The following CARF variants were observed in gnomAD, a reference collection of about 807,000 sequenced individuals.
CARF encodes the protein calcium-responsive transcription factor.
CARF carries 57 observed loss-of-function variants against 82.0 expected under a neutral mutation model. The ratio of observed to expected loss-of-function variants is 0.70; its 90% CI spans 0.56 to 0.87. The LOEUF is 0.87. Among genes scored for constraint, CARF ranks in the 40% least tolerant of loss-of-function variants. The pLI, the probability that CARF is intolerant of heterozygous loss-of-function variation, is 0.00. For synonymous variants in CARF, 268 were observed against 290.1 expected (o/e 0.92, Z 0.77); for missense variants, 771 against 855.8 (o/e 0.90, Z 1.24).
intron 3 of CARF, among the ~76,000 whole-genome samples, chr2:202,930,715 T>C (rs1692732260): frequency 6.6e-6 from 1 of 152,192 alleles, no homozygotes; most frequent in African/African-American, 2.4e-5. Context: ...TCGTAGCCTT[T>C]TTATCATTAG....
At chr2:202,941,741 T>C (rs1020162849) in intron 3 of CARF, 119 bp from the exon 4 acceptor site, 3 of 499,244 alleles carry the variant, frequency 6.0e-6, no homozygotes, top group African/African-American at 3.9e-5. Flanking sequence ...TAGAATGGAA[T>C]TGATTTTACC....
chr2:202,913,601 A>C (rs1327723799), intron 1 of CARF, among the ~76,000 whole-genome samples: 1 of 152,202 alleles, frequency 6.6e-6, no homozygotes, highest in African/African-American at 2.4e-5. Context: ...TTGCTAATGG[A>C]AGTGGTGATC....
At chr2:202,915,766 CTGTTTTTTTT>C (rs1210640041) in intron 1 of CARF, among the ~76,000 whole-genome samples, 5 of 150,838 alleles carry the variant, frequency 3.3e-5, no homozygotes, top group East Asian at 2.0e-4. Flanking sequence ...TGCACCTAGC[CTGTTTTTTTT>C]TGTTTTTTTT....
intron 12 of CARF, 68 bp from the exon 13 acceptor site, chr2:202,974,264 TTC>T: frequency 8.9e-7 from 1 of 1,118,752 alleles, no homozygotes; most frequent in Admixed American, 3.2e-5. Context: ...AAGAGAACCT[TTC>T]TGTCTTTTGA....
chr2:202,981,824 T>C, intron 15 of CARF, 139 bp downstream of exon 15: 1 of 1,002,820 alleles, frequency 1.0e-6, no homozygotes, highest in Non-Finnish European at 1.5e-6. Flanking sequence ...AATTTCCTGA[T>C]CTTTTTGTTT....
At chr2:202,917,210 CAAAAAAAAAAA>C (rs71034203) in intron 1 of CARF, among the ~76,000 whole-genome samples, 4 of 47,012 alleles carry the variant, frequency 8.5e-5, no homozygotes, top group Admixed American at 7.4e-4. Flanking sequence ...GACTCCGTCT[CAAAAAAAAAAA>C]AAAAAAAAAA....
chr2:202,967,463 C>T lies in CARF; in HGVS notation c.953+365C>T, dbSNP rs1217054611. On this transcript the variant is annotated intron_variant, in intron 10 of 16. Transcript: ENST00000438828. Reference sequence around the variant, plus strand: ...ATAGATTTATTCTCAATCTGAATGCCTATTGTGGTTATCTGCTGCACAGAT... The same window carrying T: ...ATAGATTTATTCTCAATCTGAATGCTTATTGTGGTTATCTGCTGCACAGAT... Among the ~76,000 whole-genome samples, 3 of 152,160 alleles carry T rather than the reference C, an allele frequency of 2.0e-5. No individual in the cohort carries two copies. In the East Asian group the frequency reaches 5.8e-4, roughly 29 times the overall value.
At chr2:202,949,804 C>T (rs2058677589) in intron 5 of CARF, among the ~76,000 whole-genome samples, 1 of 152,072 alleles carries the variant, frequency 6.6e-6, no homozygotes, top group East Asian at 1.9e-4. Flanking sequence ...CCCACCTTGG[C>T]CTCCCAAAGT....
intron 3 of CARF, among the ~76,000 whole-genome samples, chr2:202,929,712 A>G (rs964643528): frequency 5.9e-5 from 9 of 151,878 alleles, no homozygotes; most frequent in Non-Finnish European, 1.3e-4. Context: ...TGTTGTTTCT[A>G]TTTGTGTGAA....
At chr2:202,920,968 G>C (rs1278398074) in intron 2 of CARF, among the ~76,000 whole-genome samples, 1 of 151,984 alleles carries the variant, frequency 6.6e-6, no homozygotes, top group Non-Finnish European at 1.5e-5. Flanking sequence ...TTAAAAATCA[G>C]GATAATCAAC....
intron 14 of CARF, among the ~76,000 whole-genome samples, chr2:202,980,043 T>C (rs991478202): frequency 1.3e-5 from 2 of 152,172 alleles, no homozygotes; most frequent in South Asian, 4.1e-4. Flanking sequence ...TTGTATCCTC[T>C]GCCTCCTGGG....
At chr2:202,973,492 T>A in intron 12 of CARF, 1 of 433,706 alleles carries the variant, frequency 2.3e-6, no homozygotes, top group Non-Finnish European at 4.6e-6. Flanking sequence ...CCCATCATAT[T>A]TCATATAATA....
intron 5 of CARF, among the ~76,000 whole-genome samples, chr2:202,948,212 A>AC (rs1429171275): frequency 6.6e-6 from 1 of 152,066 alleles, no homozygotes; most frequent in Non-Finnish European, 1.5e-5. Flanking sequence ...ATTGGTCTAT[A>AC]TGTCTGTTTT....
chr2:202,930,551 AGG>A (rs551292435), intron 3 of CARF, among the ~76,000 whole-genome samples: 69 of 152,274 alleles, frequency 4.5e-4, no homozygotes, highest in African/African-American at 1.6e-3. Context: ...CTTCAGCAGC[AGG>A]ATTTTTGTTT....
chr2:202,939,263 C>T (rs894446505), intron 3 of CARF, among the ~76,000 whole-genome samples: 3 of 152,080 alleles, frequency 2.0e-5, no homozygotes, highest in Admixed American at 2.0e-4. Context: ...TATGATTTTC[C>T]ACTTTATGAT....
chr2:202,926,789 C>T (rs1255034640), intron 3 of CARF, among the ~76,000 whole-genome samples: 1 of 152,096 alleles, frequency 6.6e-6, no homozygotes, highest in Non-Finnish European at 1.5e-5. Flanking sequence ...GTTTACGATA[C>T]ATATATCTTG....
chr2:202,961,409 TC>T lies in CARF; in HGVS notation c.818del (p.Pro273HisfsTer11). 1.2e-6 allele frequency: 2 copies of T among 1,613,994 alleles called. No homozygotes were observed. The highest frequency in any genetic ancestry group is 1.7e-6 in the Non-Finnish European group (2 of 1,179,846). On this transcript the variant is annotated frameshift_variant, in exon 9 of 17. Transcript: ENST00000438828. LOFTEE classifies it high-confidence loss of function. The stretch of plus-strand genomic sequence containing the variant: ...TCCCAGTATGTTCCATATGATGGAA[TC>T]CCATTTGTTAATGCAGGTACTTTTT... ...WKSQYVPYDG[I>X]PFVNAGSRAV...
chr2:202,915,710 C>T (rs1352902143), intron 1 of CARF, among the ~76,000 whole-genome samples: 2 of 151,866 alleles, frequency 1.3e-5, no homozygotes, highest in Non-Finnish European at 2.9e-5. Context: ...CCTTGTGATC[C>T]ATCTGCTCAG....
At position 202,912,337 on chromosome 2, in the gene CARF, C is replaced by G. The variant is rs1025270767; in HGVS notation, c.-1095C>G. ...GAGCCAAGACGAGGTTGAGTAGACT[C>G]GTTTTGAATTTTCTCCCCTCTGCTC... On this transcript the variant is annotated 5_prime_UTR_variant, in exon 1 of 17. Transcript: ENST00000438828. 4 of 152,096 alleles carry G rather than the reference C, an allele frequency of 2.6e-5. No individual in the cohort carries two copies. Among genetic ancestry groups the G allele is most frequent in the African/African-American group, 9.7e-5 (4 of 41,426 alleles). 9.4% of individuals were successfully genotyped at this position (152,096 alleles called of 1,614,324 possible).
Sources: gnomAD v4.1 joint callset for allele counts (sites outside exome capture counted in the v4.1 genomes callset) on GRCh38, gnomAD v4.1.1 for gene constraint, MANE v1.5 for transcripts, NCBI Gene and HGNC (gene_info 2026-07-23, HGNC 2026-07-21) for gene names.